MED12L: variants seen among roughly 807,000 people sequenced by gnomAD.
MED12L encodes the protein mediator of RNA polymerase II transcription subunit 12-like protein.
A neutral mutation model predicts 281.3 loss-of-function variants in MED12L; 60 were observed. That is an observed-to-expected ratio of 0.21 (90% CI 0.17 to 0.26). The LOEUF is 0.26. Ranked by LOEUF, MED12L falls within the 10% of genes least tolerant of loss-of-function variation. The pLI is 1.00. For missense variants in MED12L, 2,146 were observed against 2,680.9 expected (o/e 0.80, Z 4.41); for synonymous variants, 974 against 987.2 (o/e 0.99, Z 0.25).
At chr3:151,348,370 A>G (rs931225985) in intron 16 of MED12L, among the ~76,000 whole-genome samples, 77 of 143,800 alleles carry the variant, frequency 5.4e-4, no homozygotes, top group African/African-American at 1.9e-3. Flanking sequence ...AAAAGAAAAA[A>G]GAAATATATC....
chr3:151,199,524 T>C, intron 16 of MED12L: 1 of 706,258 alleles, frequency 1.4e-6, no homozygotes, highest in Non-Finnish European at 2.3e-6. Flanking sequence ...ACAATACCGT[T>C]GTCTTTCCAG....
intron 41 of MED12L, among the ~76,000 whole-genome samples, chr3:151,412,931 C>A (rs1018381634): frequency 6.6e-6 from 1 of 152,206 alleles, no homozygotes; most frequent in African/African-American, 2.4e-5. Flanking sequence ...TGCATGACTG[C>A]AATTTTACCT....
intron 3 of MED12L, among the ~76,000 whole-genome samples, chr3:151,122,332 T>G (rs1713880108): frequency 6.6e-6 from 1 of 152,178 alleles, no homozygotes; most frequent in Admixed American, 6.5e-5. Flanking sequence ...AAATACCGAG[T>G]TTCCTTTCCA....
intron 16 of MED12L, among the ~76,000 whole-genome samples, chr3:151,248,016 G>T (rs1736068904): frequency 8.7e-6 from 1 of 115,098 alleles, no homozygotes; most frequent in African/African-American, 3.3e-5. Context: ...TAGATTCTAA[G>T]CATGTATATT....
intron 16 of MED12L, among the ~76,000 whole-genome samples, chr3:151,251,800 A>G (rs975605563): frequency 6.6e-6 from 1 of 152,186 alleles, no homozygotes; most frequent in Non-Finnish European, 1.5e-5. Flanking sequence ...TTTGAATTGC[A>G]TTTTAAAAAA....
intron 5 of MED12L, among the ~76,000 whole-genome samples, chr3:151,150,493 T>C (rs935510430): frequency 3.3e-5 from 5 of 152,342 alleles, no homozygotes; most frequent in African/African-American, 1.2e-4. Context: ...AACATAATTC[T>C]TAAAGGCTAT....
At chr3:151,111,684 G>A (rs1312121847) in intron 2 of MED12L, among the ~76,000 whole-genome samples, 1 of 152,180 alleles carries the variant, frequency 6.6e-6, no homozygotes, top group Admixed American at 6.5e-5. Context: ...GTTGCAGCAC[G>A]AGCAAGATTT....
At chr3:151,389,890 TA>T in intron 37 of MED12L, 88 bp from the exon 38 acceptor site, 1 of 1,274,148 alleles carries the variant, frequency 7.8e-7, no homozygotes, top group East Asian at 2.3e-5. Context: ...GGATAGGAGG[TA>T]CCTCAGATAG....
intron 2 of MED12L, among the ~76,000 whole-genome samples, chr3:151,095,474 AT>A (rs1720591453): frequency 6.6e-6 from 1 of 152,114 alleles, no homozygotes; most frequent in African/African-American, 2.4e-5. Context: ...AGTAACTGGG[AT>A]TACAAGCGCA....
At chr3:151,346,357 T>C (rs1399356498) in intron 16 of MED12L, among the ~76,000 whole-genome samples, 2 of 152,158 alleles carry the variant, frequency 1.3e-5, no homozygotes, top group African/African-American at 4.8e-5. Flanking sequence ...CTTTTGATGA[T>C]CTTCATAACG....
chr3:151,114,901 G>T (rs1424512323), intron 2 of MED12L, among the ~76,000 whole-genome samples: 1 of 152,026 alleles, frequency 6.6e-6, no homozygotes, highest in Admixed American at 6.6e-5. Flanking sequence ...TTTTCATGTG[G>T]CATTTGTTCT....
chr3:151,218,277 C>G (rs1240750122), intron 16 of MED12L, among the ~76,000 whole-genome samples: 1 of 152,172 alleles, frequency 6.6e-6, no homozygotes, highest in Non-Finnish European at 1.5e-5. Context: ...CTTACCAGCT[C>G]ATGCCAGTCC....
intron 16 of MED12L, among the ~76,000 whole-genome samples, chr3:151,207,418 G>A (rs1726528869): frequency 6.6e-6 from 1 of 151,962 alleles, no homozygotes; most frequent in African/African-American, 2.4e-5. Flanking sequence ...ACTGTGGTGG[G>A]GTGAATAGGA....
intron 16 of MED12L, among the ~76,000 whole-genome samples, chr3:151,246,466 G>C (rs575473341): frequency 6.6e-6 from 1 of 151,812 alleles, no homozygotes; most frequent in Non-Finnish European, 1.5e-5. Context: ...AAATAACGCC[G>C]CATATCTACA....
At chr3:151,374,001 A>T (rs1333529275) in intron 27 of MED12L, among the ~76,000 whole-genome samples, 2 of 152,162 alleles carry the variant, frequency 1.3e-5, no homozygotes, top group Non-Finnish European at 2.9e-5. Context: ...GTAAATATAT[A>T]TATTTATGAG....
At chr3:151,260,639 C>T (rs1268918280) in intron 16 of MED12L, among the ~76,000 whole-genome samples, 1 of 152,176 alleles carries the variant, frequency 6.6e-6, no homozygotes, top group Non-Finnish European at 1.5e-5. Context: ...ACCTGAACCA[C>T]TGCACCTGGC....
intron 5 of MED12L, among the ~76,000 whole-genome samples, chr3:151,139,770 T>C (rs371011599): frequency 2.6e-5 from 4 of 152,050 alleles, no homozygotes; most frequent in South Asian, 4.1e-4. Context: ...TAGAGGTAAA[T>C]ACAACAGATG....
chr3:151,132,688 A>G (rs971969686), intron 5 of MED12L, among the ~76,000 whole-genome samples: 2 of 152,134 alleles, frequency 1.3e-5, no homozygotes, highest in African/African-American at 4.8e-5. Flanking sequence ...CTATATTCTT[A>G]TATGTATTTT....
chr3:151,339,430 G>GAA (rs1491527864), intron 16 of MED12L, among the ~76,000 whole-genome samples: 1 of 36,154 alleles, frequency 2.8e-5, no homozygotes, highest in Non-Finnish European at 5.2e-5. Context: ...TACTGAATCA[G>GAA]TAAAAAAAAA....
Sources: allele counts gnomAD v4.1 joint callset (sites outside exome capture counted in the v4.1 genomes callset), GRCh38; gene constraint gnomAD v4.1.1; transcripts MANE v1.5; gene names NCBI Gene and HGNC (gene_info 2026-07-23, HGNC 2026-07-21).